WWTR1: variants seen among roughly 807,000 people sequenced by gnomAD.
The protein encoded by WWTR1 is WW domain-containing transcription regulator protein 1.
WWTR1 carries 13 observed loss-of-function variants against 40.1 expected under a neutral mutation model. That is an observed-to-expected ratio of 0.32 (90% confidence interval 0.21 to 0.52). The LOEUF (loss-of-function observed/expected upper bound fraction) is 0.52, where lower values mean the gene tolerates loss of function less well. Ranked by LOEUF, WWTR1 falls within the 20% of genes least tolerant of loss-of-function variation. The pLI, the probability that WWTR1 is intolerant of heterozygous loss-of-function variation, is 0.97. For missense variants in WWTR1, 436 were observed against 523.1 expected (o/e 0.83, Z 1.63); for synonymous variants, 230 against 210.1 (o/e 1.09, Z -0.82).
intron 3 of WWTR1, among the ~76,000 whole-genome samples, chr3:149,563,258 G>C (rs1737167154): frequency 2.0e-5 from 3 of 152,146 alleles, no homozygotes; most frequent in Admixed American, 2.0e-4. Context: ...GTTTGACCTA[G>C]CCTTCACCTT....
rs1734836477 is a variant in WWTR1 at position 149,517,421 on chromosome 3, T to C, written c.*3384A>G. ...GAAGTAAAATTTTAAAAAGTTAAAG[T>C]ACTAGCACATATATGTGTTAGGAAA... On this transcript the variant is annotated 3_prime_UTR_variant, in exon 7 of 7. Coordinates refer to ENST00000360632, the MANE Select transcript of WWTR1 (RefSeq NM_015472.6). 2 of 152,226 alleles carry C rather than the reference T, an allele frequency of 1.3e-5. No homozygotes were observed. Among genetic ancestry groups the C allele is most frequent in the Non-Finnish European group, 2.9e-5 (2 of 68,032 alleles). The allele number at this position is 152,226 out of a possible 1,614,324, so 9.4% of individuals were successfully genotyped here.
chr3:149,702,504 A>G (rs1715213241), intron 1 of WWTR1: 1 of 125,906 alleles, frequency 7.9e-6, no homozygotes, highest in Non-Finnish European at 1.9e-5. Context: ...TTCAGATTCA[A>G]CATGGTTGTA....
intron 5 of WWTR1, among the ~76,000 whole-genome samples, chr3:149,527,129 C>G (rs1735354165): frequency 6.7e-6 from 1 of 150,230 alleles, no homozygotes; most frequent in Admixed American, 6.7e-5. Flanking sequence ...CACATTTCAC[C>G]CTGAACATCA....
At chr3:149,699,591 C>T (rs1715105547) in intron 1 of WWTR1, among the ~76,000 whole-genome samples, 1 of 152,128 alleles carries the variant, frequency 6.6e-6, no homozygotes. Flanking sequence ...CCGTGCTCAG[C>T]CAGTCATCAC....
At chr3:149,596,078 T>C (rs1280877081) in intron 2 of WWTR1, among the ~76,000 whole-genome samples, 1 of 152,034 alleles carries the variant, frequency 6.6e-6, no homozygotes, top group Non-Finnish European at 1.5e-5. Context: ...AAGTTCTCCA[T>C]AAACTGGTAT....
intron 2 of WWTR1, among the ~76,000 whole-genome samples, chr3:149,656,231 T>G (rs1713196441): frequency 6.6e-6 from 1 of 152,214 alleles, no homozygotes; most frequent in Non-Finnish European, 1.5e-5. Flanking sequence ...TTTGATGGTA[T>G]TTTAGGTTAA....
intron 2 of WWTR1, among the ~76,000 whole-genome samples, chr3:149,638,639 TA>T (rs10718466): frequency 0.029 from 4,260 of 145,990 alleles, 161 homozygotes; most frequent in African/African-American, 0.092. Context: ...TAGTGTAAGT[TA>T]AAAAAAAAAA....
intron 3 of WWTR1, among the ~76,000 whole-genome samples, chr3:149,549,563 C>T (rs921001230): frequency 1.3e-4 from 20 of 152,290 alleles, no homozygotes; most frequent in Admixed American, 1.2e-3. Context: ...GGGGGCTGAG[C>T]GCCATGGCTC....
At chr3:149,594,795 T>A (rs1334812353) in intron 2 of WWTR1, among the ~76,000 whole-genome samples, 1 of 151,850 alleles carries the variant, frequency 6.6e-6, no homozygotes, top group African/African-American at 2.4e-5. Flanking sequence ...GGAATTTGAA[T>A]AAGGGCTAAA....
At chr3:149,636,744 CAA>C (rs1711836192) in intron 2 of WWTR1, among the ~76,000 whole-genome samples, 3 of 151,876 alleles carry the variant, frequency 2.0e-5, no homozygotes, top group Non-Finnish European at 4.4e-5. Context: ...TTTCTTTCAG[CAA>C]AAGTTAAATG....
At chr3:149,720,706 G>A (rs572871499) in intron 4 of WWTR1, among the ~76,000 whole-genome samples, 4 of 151,588 alleles carry the variant, frequency 2.6e-5, no homozygotes, top group Admixed American at 2.6e-4. Flanking sequence ...GATCACTTTG[G>A]GTAGTGTTGA....
At chr3:149,712,320 T>G (rs563731577) in intron 5 of WWTR1, among the ~76,000 whole-genome samples, 2 of 152,256 alleles carry the variant, frequency 1.3e-5, no homozygotes, top group South Asian at 4.1e-4. Context: ...AATTTTATTT[T>G]AAGTATCTTT....
At chr3:149,667,909 CT>C (rs1282899604) in intron 2 of WWTR1, among the ~76,000 whole-genome samples, 15 of 152,162 alleles carry the variant, frequency 9.9e-5, no homozygotes, top group African/African-American at 3.1e-4. Context: ...ATTAAAACAT[CT>C]TGATAAGATA....
At chr3:149,662,870 C>T (rs1471471049), upstream of WWTR1, among the ~76,000 whole-genome samples, 2 of 152,134 alleles carry the variant, frequency 1.3e-5, no homozygotes, top group South Asian at 2.1e-4. Context: ...TGGCCTAATT[C>T]GTTAATACAC....
At chr3:149,687,352 C>A (rs1021021629) in intron 1 of WWTR1, among the ~76,000 whole-genome samples, 1 of 152,292 alleles carries the variant, frequency 6.6e-6, no homozygotes, top group Non-Finnish European at 1.5e-5. Flanking sequence ...GTAGCCAGAG[C>A]AATCTCTCAT....
intron 1 of WWTR1, among the ~76,000 whole-genome samples, chr3:149,675,900 G>C (rs1714243038): frequency 6.6e-6 from 1 of 152,064 alleles, no homozygotes; most frequent in Non-Finnish European, 1.5e-5. Context: ...TGTGTTTTTA[G>C]TAGAGATGAG....
chr3:149,659,062 G>A (rs933948537), upstream of WWTR1, among the ~76,000 whole-genome samples: 3 of 152,028 alleles, frequency 2.0e-5, no homozygotes, highest in African/African-American at 4.8e-5. Context: ...AACAGCTGCG[G>A]GAAGTAGGAG....
At chr3:149,570,783 C>A (rs62269317) in intron 3 of WWTR1, among the ~76,000 whole-genome samples, 1 of 151,934 alleles carries the variant, frequency 6.6e-6, no homozygotes, top group Admixed American at 6.6e-5. Context: ...CTCACATGTG[C>A]CTTCAATATC....
chr3:149,724,531 C>T (rs1278385510), intron 3 of WWTR1, among the ~76,000 whole-genome samples: 1 of 150,324 alleles, frequency 6.7e-6, no homozygotes, highest in African/African-American at 2.4e-5. Flanking sequence ...TTAATCCTTT[C>T]CAATGGTTTG....
Sources: allele counts gnomAD v4.1 joint callset (sites outside exome capture counted in the v4.1 genomes callset), GRCh38; gene constraint gnomAD v4.1.1; transcripts MANE v1.5; gene names NCBI Gene and HGNC (gene_info 2026-07-23, HGNC 2026-07-21).